DAB1: variants seen among roughly 807,000 people sequenced by gnomAD.
DAB1 encodes the protein disabled homolog 1.
In DAB1, 15 loss-of-function variants were observed where a neutral mutation model predicts 64.6. That is an observed-to-expected ratio of 0.23 (90% confidence interval 0.16 to 0.36). DAB1 has a LOEUF of 0.36. Among genes scored for constraint, DAB1 ranks in the 10% least tolerant of loss-of-function variants. DAB1 has a pLI of 1.00. For synonymous variants in DAB1, 235 were observed against 251.9 expected, an observed-to-expected ratio of 0.93 and a Z score of 0.64; for missense variants, 596 against 706.7, an observed-to-expected ratio of 0.84 and a Z score of 1.78.
chr1:57,790,914 T>A (rs75153365), intron 6 of DAB1, among the ~76,000 whole-genome samples: 36 of 152,306 alleles, frequency 2.4e-4, no homozygotes, highest in African/African-American at 8.7e-4. Context: ...CTCATATGTG[T>A]GTGTGTATTT....
chr1:57,503,365 A>G (rs1280482294), intron 7 of DAB1, among the ~76,000 whole-genome samples: 1 of 152,118 alleles, frequency 6.6e-6, no homozygotes, highest in Non-Finnish European at 1.5e-5. Flanking sequence ...AACACACATG[A>G]CTTTCTCTCA....
chr1:57,892,752 TC>T (rs1644335809), intron 5 of DAB1, among the ~76,000 whole-genome samples: 1 of 152,240 alleles, frequency 6.6e-6, no homozygotes, highest in South Asian at 2.1e-4. Context: ...GACAGTGAAT[TC>T]CTTGAGACTG....
At chr1:57,330,409 C>T (rs557110941) in intron 1 of DAB1, among the ~76,000 whole-genome samples, 2 of 152,310 alleles carry the variant, frequency 1.3e-5, no homozygotes, top group South Asian at 4.2e-4. Context: ...TGTGGAGTCA[C>T]AGAAACCTGG....
intron 6 of DAB1, among the ~76,000 whole-genome samples, chr1:57,696,754 C>A (rs560312749): frequency 6.6e-6 from 1 of 152,166 alleles, no homozygotes; most frequent in Non-Finnish European, 1.5e-5. Flanking sequence ...CTCCTTTTAC[C>A]TTCTTTGAGT....
chr1:57,447,617 C>T (rs1686192295), intron 7 of DAB1, among the ~76,000 whole-genome samples: 2 of 152,212 alleles, frequency 1.3e-5, no homozygotes. Flanking sequence ...GATGGTTACA[C>T]ACTGCAAAAC....
chr1:58,015,374 C>A (rs1005426829), intron 5 of DAB1, among the ~76,000 whole-genome samples: 1 of 152,128 alleles, frequency 6.6e-6, no homozygotes, highest in African/African-American at 2.4e-5. Context: ...TCCATGTTGT[C>A]CCCCTCCCCC....
intron 6 of DAB1, among the ~76,000 whole-genome samples, chr1:57,695,034 AAATT>A (rs1393662632): frequency 1.3e-5 from 2 of 151,984 alleles, no homozygotes; most frequent in Non-Finnish European, 2.9e-5. Flanking sequence ...TTTAATATGT[AAATT>A]ATTATTGTTT....
intron 2 of DAB1, among the ~76,000 whole-genome samples, chr1:57,238,915 C>T (rs142410807): frequency 1.2e-3 from 187 of 150,296 alleles, no homozygotes; most frequent in African/African-American, 4.4e-3. Context: ...AAATGGTTTT[C>T]TTAGCTATAA....
chr1:57,282,439 G>A (rs753487735), intron 2 of DAB1, among the ~76,000 whole-genome samples: 3 of 152,072 alleles, frequency 2.0e-5, no homozygotes, highest in Non-Finnish European at 4.4e-5. Flanking sequence ...TGCTGCCAGG[G>A]TTACAGTACA....
chr1:58,356,358 C>T (rs1171221967), intron 3 of DAB1, among the ~76,000 whole-genome samples: 1 of 152,110 alleles, frequency 6.6e-6, no homozygotes, highest in Admixed American at 6.6e-5. Context: ...GACCTGCTCA[C>T]AAGACATTTA....
chr1:58,278,464 A>AT lies in DAB1; in HGVS notation n.309+64887dup, dbSNP rs1468273307. ...TCCCTGCCATATGAAGCTTTCCTTG[A>AT]TTTTATGGGCAGTCACTCCTAGTTC... On this transcript the variant is annotated intron_variant and non_coding_transcript_variant, in intron 4 of 20. Transcript: ENST00000485760. 8.9e-5 allele frequency among the ~76,000 whole-genome samples: 2 copies of AT among 22,576 alleles called. 1 individual carries two copies. The highest frequency in any genetic ancestry group is 1.1e-3 in the Admixed American group (2 of 1,740). The allele number at this position is 22,576 out of a possible 152,430, so 14.8% of individuals were successfully genotyped here. A position where few individuals can be genotyped will look rare whatever the true frequency, so the allele number is the denominator to read the frequency against.
intron 7 of DAB1, among the ~76,000 whole-genome samples, chr1:57,487,460 C>T (rs1017467309): frequency 2.0e-5 from 3 of 152,248 alleles, no homozygotes; most frequent in South Asian, 4.1e-4. Flanking sequence ...TCTGCACCAA[C>T]ACCCAGACCT....
intron 6 of DAB1, among the ~76,000 whole-genome samples, chr1:57,659,186 A>G (rs1646354985): frequency 6.6e-6 from 1 of 152,170 alleles, no homozygotes; most frequent in African/African-American, 2.4e-5. Flanking sequence ...CAGGGCAGAA[A>G]GCGGATCTGC....
chr1:57,177,668 T>A (rs762899750), intron 2 of DAB1, among the ~76,000 whole-genome samples: 1 of 152,194 alleles, frequency 6.6e-6, no homozygotes, highest in African/African-American at 2.4e-5. Flanking sequence ...AGAATCACTA[T>A]TCCATATAAG....
intron 4 of DAB1, among the ~76,000 whole-genome samples, chr1:57,108,340 A>G (rs1425390768): frequency 6.6e-6 from 1 of 152,154 alleles, no homozygotes; most frequent in Non-Finnish European, 1.5e-5. Context: ...AGTTTTCATT[A>G]CCAGATTACT....
At chr1:57,695,385 A>AAAGAAAAGAAAG (rs1646826647) in intron 6 of DAB1, among the ~76,000 whole-genome samples, 11 of 74,292 alleles carry the variant, frequency 1.5e-4, no homozygotes, top group Admixed American at 5.5e-4. Flanking sequence ...AGAAAGAAAG[A>AAAGAAAAGAAAG]AAGAAAGAAA....
intron 3 of DAB1, among the ~76,000 whole-genome samples, chr1:58,402,291 T>C (rs1644577201): frequency 6.6e-6 from 1 of 152,174 alleles, no homozygotes; most frequent in African/African-American, 2.4e-5. Context: ...GCCCAGCGAT[T>C]AGATGGCCTA....
rs914261556 is a variant in DAB1 at position 57,928,243 on chromosome 1, T to C, written n.388-44081A>G. 1.3e-5 allele frequency among the ~76,000 whole-genome samples: 2 copies of C among 152,172 alleles called. 1 individual carries two copies. The highest frequency in any genetic ancestry group is 4.2e-4 in the South Asian group (2 of 4,814). ...CTCAAGCACATTCCCATTCAGACTC[T>C]AGCCCTATCCCCCGAGAGGCAACCA... On this transcript the variant is annotated intron_variant and non_coding_transcript_variant, in intron 5 of 20. Transcript: ENST00000485760.
intron 4 of DAB1, among the ~76,000 whole-genome samples, chr1:58,288,561 C>A (rs1465760370): frequency 2.6e-5 from 4 of 152,156 alleles, no homozygotes; most frequent in South Asian, 2.1e-4. Flanking sequence ...ATTCTCCCAG[C>A]CATATGTACA....
Sources: allele counts gnomAD v4.1 joint callset (sites outside exome capture counted in the v4.1 genomes callset), GRCh38; gene constraint gnomAD v4.1.1; transcripts MANE v1.5; gene names NCBI Gene and HGNC (gene_info 2026-07-23, HGNC 2026-07-21).